PCDHGB6: variants seen among roughly 807,000 people sequenced by gnomAD.
PCDHGB6 encodes the protein protocadherin gamma subfamily B, 6.
A neutral mutation model predicts 59.1 loss-of-function variants in PCDHGB6; 51 were observed. That is an observed-to-expected ratio of 0.86 (90% CI 0.69 to 1.09). The LOEUF (loss-of-function observed/expected upper bound fraction) is 1.09, where lower values mean the gene tolerates loss of function less well. Among genes scored for constraint, PCDHGB6 ranks in the 50% least tolerant of loss-of-function variants. The pLI, the probability that PCDHGB6 is intolerant of heterozygous loss-of-function variation, is 0.00. For missense variants in PCDHGB6, 1,148 were observed against 1,205.1 expected, an observed-to-expected ratio of 0.95 and a Z score of 0.70; for synonymous variants, 466 against 495.1, an observed-to-expected ratio of 0.94 and a Z score of 0.78.
rs2095058812 is a variant in PCDHGB6 at position 141,408,208 on chromosome 5, A to T, written c.6A>T (p.Gly2=). ...AGCGAGAACCCGAGCGAACGATGGGAGGGAGCTGCGCGCAGAGGCGCCGGG... is the reference window on the plus strand; with the variant it reads ...AGCGAGAACCCGAGCGAACGATGGGTGGGAGCTGCGCGCAGAGGCGCCGGG... M[G]GSCAQRRRAG... The change falls in exon 1 of 4, where the codon GGA becomes GGT. Residue 2 remains glycine (G), a synonymous_variant. Transcript: ENST00000520790. The T allele has an allele frequency of 1.9e-6, 3 of 1,553,236 alleles. No homozygotes were observed. The East Asian group carries it at 7.3e-5, about 38-fold the overall frequency.
intron 1 of PCDHGB6, chr5:141,417,666 G>C (rs1487166683): frequency 3.1e-5 from 28 of 917,486 alleles, no homozygotes; most frequent in Non-Finnish European, 4.2e-5. Context: ...GGGATTCCCT[G>C]CGCAGCCAAC....
At chr5:141,440,431 A>G (rs1338519888) in intron 1 of PCDHGB6, 1 of 152,222 alleles carries the variant, frequency 6.6e-6, no homozygotes, top group Non-Finnish European at 1.5e-5. Flanking sequence ...TGGGTGACAG[A>G]GCAAGGCGCC....
At chr5:141,418,566 A>G (rs2096269931) in intron 1 of PCDHGB6, 2 of 1,614,054 alleles carry the variant, frequency 1.2e-6, no homozygotes, top group South Asian at 1.1e-5. Context: ...ATAGATGCCA[A>G]TGACAACCCC....
chr5:141,441,692 G>A (rs1165171238), intron 1 of PCDHGB6: 2 of 301,376 alleles, frequency 6.6e-6, no homozygotes, highest in Non-Finnish European at 1.3e-5. Context: ...AAGAGCAGCC[G>A]CGAGCCTTCA....
At chr5:141,503,474 T>C (rs2099820145) in intron 2 of PCDHGB6, among the ~76,000 whole-genome samples, 1 of 151,828 alleles carries the variant, frequency 6.6e-6, no homozygotes, top group South Asian at 2.1e-4. Context: ...ATGTGTGCAC[T>C]TGTCGTCCCA....
At chr5:141,462,584 A>C (rs959398950) in intron 1 of PCDHGB6, among the ~76,000 whole-genome samples, 1 of 152,124 alleles carries the variant, frequency 6.6e-6, no homozygotes, top group African/African-American at 2.4e-5. Context: ...CATCCAGTGA[A>C]GTTTCCATTT....
In PCDHGB6 at chr5:141,485,610, C is replaced by A; in HGVS notation, c.2419-9197C>A. ...CTGGACTTGGAAATTGGGGAGGCAGCTCCTCCAGGACAGCGTTTCCCGTTG... is the reference window on the plus strand; with the variant it reads ...CTGGACTTGGAAATTGGGGAGGCAGATCCTCCAGGACAGCGTTTCCCGTTG... On this transcript the variant is annotated intron_variant, in intron 1 of 3. Coordinates refer to ENST00000520790, the MANE Select transcript of PCDHGB6 (RefSeq NM_018926.3). This position sits in a 1 kb window ranked among gnomAD's most constrained non-coding sequence, Gnocchi z 5.7. The A allele has an allele frequency of 1.2e-6, 2 of 1,612,076 alleles. No individual in the cohort carries two copies. The highest frequency in any genetic ancestry group is 1.7e-6 in the Non-Finnish European group (2 of 1,178,616).
In PCDHGB6 at chr5:141,409,837, C is replaced by G. The variant is rs182654621; in HGVS notation, c.1635C>G (p.Asn545Lys). 823 of 1,611,470 alleles carry G rather than the reference C, an allele frequency of 5.1e-4. 5 individuals carry two copies. The East Asian group carries it at 9.5e-3, about 19-fold the overall frequency. Residue 545 changes from asparagine to lysine, a missense_variant, in exon 1 of 4, where the codon AAC (asparagine) becomes AAG (lysine). Coordinates refer to ENST00000520790, the MANE Select transcript of PCDHGB6 (RefSeq NM_018926.3). ...ACGGCTCGCCCACGCTCAGCGCCAACGTGAGCCTGCGCGTGTTGGTGGGAG... is the reference window on the plus strand; with the variant it reads ...ACGGCTCGCCCACGCTCAGCGCCAAGGTGAGCCTGCGCGTGTTGGTGGGAG... ...RDHGSPTLSA[N>K]VSLRVLVGDR... is the part of the protein sequence containing the mutation.
At chr5:141,427,659 G>A (rs546743297) in intron 1 of PCDHGB6, 3 of 742,336 alleles carry the variant, frequency 4.0e-6, no homozygotes, top group East Asian at 5.3e-5. Context: ...CGTGGTCCAC[G>A]TGGCCGAAAA....
chr5:141,435,940 G>A (rs2097787697), intron 1 of PCDHGB6, among the ~76,000 whole-genome samples: 1 of 152,066 alleles, frequency 6.6e-6, no homozygotes, highest in Admixed American at 6.5e-5. Flanking sequence ...CTGCTTCTGA[G>A]ACCAAAAAAG....
At chr5:141,415,462 C>T in intron 1 of PCDHGB6, 1 of 1,614,220 alleles carries the variant, frequency 6.2e-7, no homozygotes. Context: ...CGAGGTCTCT[C>T]TCACCGCGGA....
intron 1 of PCDHGB6, chr5:141,423,611 C>T: frequency 1.1e-5 from 18 of 1,611,094 alleles, no homozygotes; most frequent in Non-Finnish European, 1.5e-5. Flanking sequence ...CTCTTGATAG[C>T]TGAAGACTCA....
At position 141,410,124 on chromosome 5, in the gene PCDHGB6, G is replaced by T; in HGVS notation, c.1922G>T (p.Arg641Leu). 6.2e-7 allele frequency: 1 copy of T among 1,612,726 alleles called. No individual in the cohort carries two copies. The highest frequency in any genetic ancestry group is 1.1e-5 in the South Asian group (1 of 91,042). ...ALGDRDAARQ[R>L]LLVAVRDGGQ... ...GGCGACAGGGACGCAGCCCGCCAGC[G>T]CCTGCTGGTCGCTGTGCGTGACGGT... is the stretch of plus-strand genomic sequence containing the variant. The change falls in exon 1 of 4, where the codon CGC becomes CTC. Residue 641 changes from arginine to leucine, a missense_variant. Physicochemically the swap from Arg to Leu is moderately radical, Grantham distance 102. Coordinates refer to ENST00000520790, the MANE Select transcript of PCDHGB6 (RefSeq NM_018926.3).
chr5:141,485,245 G>C lies in PCDHGB6; in HGVS notation c.2419-9562G>C. 1 of 1,614,188 alleles carries C rather than the reference G, an allele frequency of 6.2e-7. No individual in the cohort carries two copies. Among genetic ancestry groups the C allele is most frequent in the Non-Finnish European group, 8.5e-7 (1 of 1,180,008 alleles). On this transcript the variant is annotated intron_variant, in intron 1 of 3. Coordinates refer to ENST00000520790, the MANE Select transcript of PCDHGB6 (RefSeq NM_018926.3). This position sits in a 1 kb window ranked among gnomAD's most constrained non-coding sequence, Gnocchi z 5.7. The stretch of plus-strand genomic sequence containing the variant: ...CCCTTTTGTTCCTCTTTTACCACCT[G>C]GGTTACGTTTGTGGGCAGATCCGCT...
chr5:141,502,173 T>C (rs1377892969), intron 2 of PCDHGB6, among the ~76,000 whole-genome samples: 2 of 152,178 alleles, frequency 1.3e-5, no homozygotes, highest in African/African-American at 4.8e-5. Flanking sequence ...AGTTGAGGAA[T>C]TTAACATTAA....
chr5:141,419,776 C>A (rs965350189), intron 1 of PCDHGB6: 3 of 1,613,908 alleles, frequency 1.9e-6, no homozygotes, highest in African/African-American at 2.7e-5. Flanking sequence ...ACTCGGTCCG[C>A]CAGCGCCTGC....
In PCDHGB6 at chr5:141,432,508, G is replaced by A. The variant is rs1306067848; in HGVS notation, c.2418+21888G>A. ...TGGAGCTGGCTCCCCGCTCCGCAGA[G>A]CCCGGCTACCTGGTGACCAAGGTGG... On this transcript the variant is annotated intron_variant, in intron 1 of 3. Coordinates refer to ENST00000520790, the MANE Select transcript of PCDHGB6 (RefSeq NM_018926.3). This position sits in a 1 kb window ranked among gnomAD's most constrained non-coding sequence, Gnocchi z 6.0. The A allele has an allele frequency of 1.9e-6, 3 of 1,614,136 alleles. No individual in the cohort carries two copies. Among genetic ancestry groups the A allele is most frequent in the Non-Finnish European group, 2.5e-6 (3 of 1,180,034 alleles).
chr5:141,432,276 C>G lies in PCDHGB6; in HGVS notation c.2418+21656C>G, dbSNP rs747589363. ...GGGGCAAGCCTATCGTCCTACGTGT[C>G]CATCAACTCCGACACTGGGGTACTG... On this transcript the variant is annotated intron_variant, in intron 1 of 3. Transcript: ENST00000520790. The surrounding 1 kb of genome is among the most constrained non-coding windows in gnomAD (Gnocchi z 6.0). 6.2e-7 allele frequency: 1 copy of G among 1,614,236 alleles called. No homozygotes were observed. Among genetic ancestry groups the G allele is most frequent in the Non-Finnish European group, 8.5e-7 (1 of 1,180,044 alleles).
At chr5:141,510,627 G>C (rs2099881988) in intron 3 of PCDHGB6, among the ~76,000 whole-genome samples, 2 of 152,090 alleles carry the variant, frequency 1.3e-5, no homozygotes, top group South Asian at 2.1e-4. Context: ...AACCAGAAGA[G>C]GTGGTTACCA....
Sources: allele counts gnomAD v4.1 joint callset (sites outside exome capture counted in the v4.1 genomes callset), GRCh38; gene constraint gnomAD v4.1.1; non-coding constraint Gnocchi (gnomAD v3.1); transcripts MANE v1.5; gene names NCBI Gene and HGNC (gene_info 2026-07-23, HGNC 2026-07-21).